The following KCNAB2 variants were observed in gnomAD, a reference collection of about 807,000 sequenced individuals.
KCNAB2 encodes the protein voltage-gated potassium channel subunit beta-2.
A neutral mutation model predicts 63.6 loss-of-function variants in KCNAB2; 29 were observed. That is an observed-to-expected ratio of 0.46 (90% CI 0.34 to 0.62). KCNAB2 has a LOEUF of 0.62. Among genes scored for constraint, KCNAB2 ranks in the 20% least tolerant of loss-of-function variants. KCNAB2 has a pLI of 0.01. For synonymous variants in KCNAB2, 222 were observed against 224.2 expected (o/e 0.99, Z 0.09); for missense variants, 359 against 563.9 (o/e 0.64, Z 3.68).
At chr1:6,081,674 C>T (rs1234512221) in intron 4 of KCNAB2, among the ~76,000 whole-genome samples, 1 of 152,094 alleles carries the variant, frequency 6.6e-6, no homozygotes, top group Non-Finnish European at 1.5e-5. Context: ...GGCTTGTAGA[C>T]GTGTCACTCT....
In KCNAB2 at chr1:6,086,433, G is replaced by C. The variant is rs1664702573; in HGVS notation, c.426-1034G>C. ...TGGTGTGGGGTGATCCCCCTTCCTG[G>C]AGGTGACGCTGCCTCTGCCAGAGCT... On this transcript the variant is annotated intron_variant, in intron 6 of 15. Coordinates refer to ENST00000378083, the MANE Select transcript of KCNAB2 (RefSeq NM_001199862.2). The surrounding 1 kb of genome is among the most constrained non-coding windows in gnomAD (Gnocchi z 4.2). 7.3e-6 allele frequency: 7 copies of C among 952,938 alleles called. No homozygotes were observed. The South Asian group carries it at 3.4e-4, about 46-fold the overall frequency. 59.0% of individuals were successfully genotyped at this position (952,938 alleles called of 1,614,324 possible).
chr1:6,031,612 T>C (rs1252289006), upstream of KCNAB2, among the ~76,000 whole-genome samples: 2 of 151,642 alleles, frequency 1.3e-5, no homozygotes, highest in African/African-American at 4.8e-5. This position sits in a 1 kb window ranked among gnomAD's most constrained non-coding sequence, Gnocchi z 4.1. Flanking sequence ...CCTGGCCGGG[T>C]GCAGTGGCTC....
At chr1:6,067,579 G>A (rs188756254) in intron 2 of KCNAB2, among the ~76,000 whole-genome samples, 78 of 152,290 alleles carry the variant, frequency 5.1e-4, no homozygotes, top group Admixed American at 2.6e-3. Flanking sequence ...ATCCACATTC[G>A]TGTCTCTTCC....
At chr1:6,068,655 C>T (rs1269582109) in intron 2 of KCNAB2, among the ~76,000 whole-genome samples, 1 of 152,192 alleles carries the variant, frequency 6.6e-6, no homozygotes, top group East Asian at 1.9e-4. Context: ...CCGCCCCGGG[C>T]CTCTCCCATC....
chr1:6,091,398 A>G (rs1220117635), intron 10 of KCNAB2, 91 bp downstream of exon 10: 3 of 943,354 alleles, frequency 3.2e-6, no homozygotes, highest in East Asian at 2.7e-5. Context: ...CTTTTACCCC[A>G]TGAGAAACTT....
intron 1 of KCNAB2, among the ~76,000 whole-genome samples, chr1:6,037,011 C>G (rs556939367): frequency 7.4e-4 from 112 of 152,306 alleles, no homozygotes; most frequent in African/African-American, 2.7e-3. Context: ...TGGAGGTGTT[C>G]TAATGAAACT....
chr1:5,996,491 C>T (rs1202239053), intron 1 of KCNAB2, among the ~76,000 whole-genome samples: 2 of 152,246 alleles, frequency 1.3e-5, no homozygotes, highest in African/African-American at 4.8e-5. Context: ...CTGCTCTGCG[C>T]AGTGACCACA....
chr1:6,038,331 C>T (rs1014349473), intron 1 of KCNAB2, among the ~76,000 whole-genome samples: 1 of 152,194 alleles, frequency 6.6e-6, no homozygotes, highest in African/African-American at 2.4e-5. Flanking sequence ...TGCTCCATCA[C>T]CCAGGCTGGA....
chr1:6,094,608 C>A, intron 11 of KCNAB2, 123 bp downstream of exon 11: 1 of 741,622 alleles, frequency 1.3e-6, no homozygotes, highest in Non-Finnish European at 2.3e-6. Context: ...TGCCTGGGTG[C>A]TAAGGGAGGG....
chr1:6,057,481 G>GT (rs1440153774), intron 2 of KCNAB2, among the ~76,000 whole-genome samples: 1 of 89,296 alleles, frequency 1.1e-5, no homozygotes, highest in Non-Finnish European at 2.4e-5. Flanking sequence ...GCAGAGACCA[G>GT]GGGGGATGGC....
Position 5,994,108 on chromosome 1 carries a change from G to T in KCNAB2, c.-53+1320G>T, listed in dbSNP as rs1656770460. Among the ~76,000 whole-genome samples the T allele has an allele frequency of 6.6e-6, 1 of 152,186 alleles. No individual in the cohort carries two copies. Among genetic ancestry groups the T allele is most frequent in the Admixed American group, 6.5e-5 (1 of 15,282 alleles). On this transcript the variant is annotated intron_variant, in intron 1 of 16. Coordinates refer to the KCNAB2 transcript ENST00000341524. This position sits in a 1 kb window ranked among gnomAD's most constrained non-coding sequence, Gnocchi z 5.4. ...CGAGGAGCAAGAACACCAAGTTCAG[G>T]CCACAGCTGTCCCACTGTCTGTCGT...
rs914594038 is a variant in KCNAB2, at chr1:6,069,875, G to A, written c.219-2880G>A. 3.9e-5 allele frequency among the ~76,000 whole-genome samples: 6 copies of A among 152,202 alleles called. No homozygotes were observed. Among genetic ancestry groups the A allele is most frequent in the African/African-American group, 1.4e-4 (6 of 41,454 alleles). On this transcript the variant is annotated intron_variant, in intron 2 of 15. Transcript: ENST00000378083. The surrounding 1 kb of genome is among the most constrained non-coding windows in gnomAD (Gnocchi z 5.4). ...CTAGTTTTGTTAAATTAGTCCTGTG[G>A]GTGGTGGGTGGAAGAGCGGCTGAAC...
intron 1 of KCNAB2, among the ~76,000 whole-genome samples, chr1:6,002,264 C>A (rs1657300055): frequency 6.6e-6 from 1 of 152,224 alleles, no homozygotes; most frequent in Non-Finnish European, 1.5e-5. Flanking sequence ...ACTGTGACAC[C>A]AAGGGATCCT....
At chr1:6,081,664 G>T (rs2100710019) in intron 4 of KCNAB2, among the ~76,000 whole-genome samples, 1 of 152,084 alleles carries the variant, frequency 6.6e-6, no homozygotes, top group East Asian at 1.9e-4. Context: ...AACAGTCCTT[G>T]GCTTGTAGAC....
upstream of KCNAB2, among the ~76,000 whole-genome samples, chr1:6,032,935 G>C (rs1273519563): frequency 6.6e-6 from 1 of 152,232 alleles, no homozygotes; most frequent in Non-Finnish European, 1.5e-5. Context: ...CTTCTAGATT[G>C]AGAGAGATGA....
In KCNAB2 at chr1:6,073,238, C is replaced by T. The variant is rs1325936368; in HGVS notation, c.262+440C>T. ...TGTTTCCAGAATGTGCAGTCCCCAC[C>T]TCCCCTCTGCATGCAGTACACACAC... On this transcript the variant is annotated intron_variant, in intron 3 of 15. Transcript: ENST00000378083. The surrounding 1 kb of genome is among the most constrained non-coding windows in gnomAD (Gnocchi z 5.7). Among the ~76,000 whole-genome samples the T allele has an allele frequency of 6.6e-6, 1 of 152,076 alleles. No homozygotes were observed. The highest frequency in any genetic ancestry group is 1.5e-5 in the Non-Finnish European group (1 of 68,010).
Position 6,096,855 on chromosome 1 carries a change from G to T in KCNAB2, c.1069+99G>T. ...GGGTTGCCATGGGGCCAGTGTCTCC[G>T]GGGAGAGAGGGAAGGGATCCCTGGA... On this transcript the variant is annotated intron_variant, in intron 14 of 15. Transcript: ENST00000378083. The surrounding 1 kb of genome is among the most constrained non-coding windows in gnomAD (Gnocchi z 5.9). The T allele has an allele frequency of 7.2e-7, 1 of 1,383,186 alleles. No homozygotes were observed. Among genetic ancestry groups the T allele is most frequent in the East Asian group, 2.6e-5 (1 of 39,168 alleles). 85.7% of individuals were successfully genotyped at this position (1,383,186 alleles called of 1,614,324 possible).
chr1:6,077,646 C>T (rs1663783334), intron 4 of KCNAB2, among the ~76,000 whole-genome samples: 1 of 152,228 alleles, frequency 6.6e-6, no homozygotes, highest in Non-Finnish European at 1.5e-5. Flanking sequence ...GGCCACCGTG[C>T]TCCGGAGCGG....
At chr1:6,017,426 G>A (rs1199483496) in intron 1 of KCNAB2, among the ~76,000 whole-genome samples, 1 of 151,938 alleles carries the variant, frequency 6.6e-6, no homozygotes, top group East Asian at 1.9e-4. Flanking sequence ...GTGTGTGTGT[G>A]TGTGTGTGTG....
Sources: gnomAD v4.1 joint callset for allele counts (sites outside exome capture counted in the v4.1 genomes callset) on GRCh38, gnomAD v4.1.1 for gene constraint, Gnocchi (gnomAD v3.1) non-coding constraint, MANE v1.5 for transcripts, NCBI Gene and HGNC (gene_info 2026-07-23, HGNC 2026-07-21) for gene names.